NUTF2: variants seen among roughly 807,000 people sequenced by gnomAD.
The protein encoded by NUTF2 is placental protein 15.
Under a neutral mutation model 18.5 loss-of-function variants are expected in NUTF2, and 3 were observed. That is an observed-to-expected ratio of 0.16 (90% confidence interval 0.07 to 0.42). The LOEUF (loss-of-function observed/expected upper bound fraction) is 0.42, where lower values mean the gene tolerates loss of function less well. Ranked by LOEUF, NUTF2 falls within the 10% of genes least tolerant of loss-of-function variation. The pLI is 0.99. For missense variants in NUTF2, 44 were observed against 160.7 expected (o/e 0.27, Z 3.93); for synonymous variants, 51 against 57.9 (o/e 0.88, Z 0.54).
chr16:67,857,286 AG>A (rs1309497578), intron 1 of NUTF2, among the ~76,000 whole-genome samples: 1 of 152,186 alleles, frequency 6.6e-6, no homozygotes, highest in East Asian at 1.9e-4. Context: ...ACCAGAATGC[AG>A]GTCTCGGGAT....
chr16:67,857,214 C>T (rs2057904008), intron 1 of NUTF2, among the ~76,000 whole-genome samples: 1 of 152,144 alleles, frequency 6.6e-6, no homozygotes, highest in South Asian at 2.1e-4. Flanking sequence ...GAATGGGGCC[C>T]CAGAGGTCTT....
At chr16:67,866,314 T>G (rs940433920) in intron 2 of NUTF2, among the ~76,000 whole-genome samples, 2 of 151,492 alleles carry the variant, frequency 1.3e-5, no homozygotes, top group African/African-American at 4.8e-5. Context: ...GAGTTTTTTT[T>G]TTTTTTTTTT....
At chr16:67,851,755 C>T (rs2057859846) in intron 1 of NUTF2, among the ~76,000 whole-genome samples, 1 of 152,068 alleles carries the variant, frequency 6.6e-6, no homozygotes, top group African/African-American at 2.4e-5. Flanking sequence ...GTGGCTCACG[C>T]CTGTAATCCC....
At chr16:67,858,443 A>G (rs924697128) in intron 1 of NUTF2, among the ~76,000 whole-genome samples, 82 of 152,330 alleles carry the variant, frequency 5.4e-4, no homozygotes, top group African/African-American at 1.9e-3. Flanking sequence ...CTGGGATTAC[A>G]GGCGTGAGCC....
chr16:67,863,912 G>T (rs1327329334), intron 1 of NUTF2, among the ~76,000 whole-genome samples: 1 of 152,180 alleles, frequency 6.6e-6, no homozygotes, highest in Non-Finnish European at 1.5e-5. Context: ...TACAGCCATG[G>T]TCTCTAGTTG....
intron 1 of NUTF2, among the ~76,000 whole-genome samples, chr16:67,849,334 A>AC (rs2057834202): frequency 6.6e-6 from 1 of 152,232 alleles, no homozygotes; most frequent in African/African-American, 2.4e-5. Context: ...GGGTGACTTG[A>AC]CCAGGAGAGT....
At chr16:67,865,640 A>G (rs2057965462) in intron 2 of NUTF2, among the ~76,000 whole-genome samples, 1 of 151,922 alleles carries the variant, frequency 6.6e-6, no homozygotes, top group African/African-American at 2.4e-5. Flanking sequence ...CTGAATGCTC[A>G]TGGAAAACAA....
At chr16:67,863,951 A>G (rs1310119923) in intron 1 of NUTF2, among the ~76,000 whole-genome samples, 2 of 152,168 alleles carry the variant, frequency 1.3e-5, no homozygotes, top group Non-Finnish European at 1.5e-5. Context: ...GAGACCCGAG[A>G]GAGACAGCTC....
At chr16:67,864,400 T>C (rs1479794651) in intron 1 of NUTF2, among the ~76,000 whole-genome samples, 1 of 151,020 alleles carries the variant, frequency 6.6e-6, no homozygotes, top group Non-Finnish European at 1.5e-5. Context: ...TCCCAGCTAC[T>C]CTGGAGGCTG....
At chr16:67,869,404 C>G (rs963153376) in intron 4 of NUTF2, among the ~76,000 whole-genome samples, 2 of 151,534 alleles carry the variant, frequency 1.3e-5, no homozygotes, top group Non-Finnish European at 2.9e-5. Context: ...CTTCCTCCTT[C>G]TCAAGACCTA....
At chr16:67,854,846 G>A (rs2057883972) in intron 1 of NUTF2, among the ~76,000 whole-genome samples, 1 of 152,142 alleles carries the variant, frequency 6.6e-6, no homozygotes, top group African/African-American at 2.4e-5. Flanking sequence ...TACACGGGAG[G>A]CAAGAGAATT....
At chr16:67,851,091 G>A (rs888861098) in intron 1 of NUTF2, among the ~76,000 whole-genome samples, 1 of 151,984 alleles carries the variant, frequency 6.6e-6, no homozygotes, top group African/African-American at 2.4e-5. Flanking sequence ...GTGAGCCACC[G>A]CACCTGGCCG....
At chr16:67,868,292 A>G (rs1375514513) in intron 2 of NUTF2, 48 bp from the exon 3 acceptor site, 2 of 1,553,262 alleles carry the variant, frequency 1.3e-6, no homozygotes, top group South Asian at 1.1e-5. Flanking sequence ...CCTTAGAGAT[A>G]CTTGTACTCT....
intron 1 of NUTF2, among the ~76,000 whole-genome samples, chr16:67,853,705 TCTCA>T (rs2057876276): frequency 6.6e-6 from 1 of 151,974 alleles, no homozygotes; most frequent in Non-Finnish European, 1.5e-5. Context: ...GAGACAAAAG[TCTCA>T]CTATCTTGCC....
chr16:67,862,355 C>G (rs1236860818), intron 1 of NUTF2, among the ~76,000 whole-genome samples: 1 of 152,168 alleles, frequency 6.6e-6, no homozygotes, highest in Non-Finnish European at 1.5e-5. Context: ...TGAAGCAGGC[C>G]TCAATCCCAC....
rs1397540203 is a variant in NUTF2 at position 67,865,187 on chromosome 16, C to T, written c.57C>T (p.Tyr19=). The change falls in exon 2 of 5, where the codon TAC becomes TAT. Residue 19 remains tyrosine, a synonymous_variant. Transcript: ENST00000219169. ...QIGSSFIQHY[Y]QLFDNDRTQL... ...GATCCAGCTTCATTCAACATTACTACCAGTTATTTGATAATGATAGAACCC... is the reference window on the plus strand; with the variant it reads ...GATCCAGCTTCATTCAACATTACTATCAGTTATTTGATAATGATAGAACCC... 2 of 1,613,286 alleles carry T rather than the reference C, an allele frequency of 1.2e-6. No homozygotes were observed. The highest frequency in any genetic ancestry group is 2.2e-5 in the East Asian group (1 of 44,868).
intron 1 of NUTF2, among the ~76,000 whole-genome samples, chr16:67,854,151 A>G (rs2057879374): frequency 1.3e-5 from 2 of 152,152 alleles, no homozygotes; most frequent in East Asian, 3.9e-4. Flanking sequence ...GGGTTTCACC[A>G]TGTTGGTTAG....
chr16:67,870,275 G>C (rs1234377639), intron 4 of NUTF2: 2 of 153,560 alleles, frequency 1.3e-5, no homozygotes, highest in Non-Finnish European at 2.9e-5. Flanking sequence ...TGGTTAGCTA[G>C]GCTCCTATTT....
intron 1 of NUTF2, among the ~76,000 whole-genome samples, chr16:67,861,928 G>GTCT (rs2151298553): frequency 6.6e-6 from 1 of 152,232 alleles, no homozygotes; most frequent in East Asian, 1.9e-4. Context: ...TTGGACTCAA[G>GTCT]AGTGTTGCCT....
Sources: gnomAD v4.1 joint callset for allele counts (sites outside exome capture counted in the v4.1 genomes callset) on GRCh38, gnomAD v4.1.1 for gene constraint, MANE v1.5 for transcripts, NCBI Gene and HGNC (gene_info 2026-07-23, HGNC 2026-07-21) for gene names.